The following TANC1 variants were observed in gnomAD, a reference collection of about 807,000 sequenced individuals.
TANC1 encodes the protein protein TANC1.
TANC1 carries 77 observed loss-of-function variants against 149.7 expected under a neutral mutation model. That is an observed-to-expected ratio of 0.51 (90% CI 0.43 to 0.62). The LOEUF is 0.62. Ranked by LOEUF, TANC1 falls within the 20% of genes least tolerant of loss-of-function variation. The probability of loss-of-function intolerance (pLI) is 0.00; values close to 1 mark genes in which losing one functional copy is unlikely to be tolerated. For synonymous variants in TANC1, 854 were observed against 925.0 expected (o/e 0.92, Z 1.39); for missense variants, 1,985 against 2,321.8 (o/e 0.85, Z 2.98).
chr2:159,093,790 A>G (rs1344793845), intron 3 of TANC1, among the ~76,000 whole-genome samples: 1 of 151,504 alleles, frequency 6.6e-6, no homozygotes, highest in Non-Finnish European at 1.5e-5. Context: ...GCATAAAATC[A>G]TAGTGCTGGA....
intron 7 of TANC1, among the ~76,000 whole-genome samples, chr2:159,153,480 C>A (rs574682245): frequency 2.6e-5 from 4 of 152,306 alleles, no homozygotes; most frequent in Admixed American, 2.6e-4. Context: ...CTGCAGGTTG[C>A]AAGGGCTGTA....
At chr2:159,167,530 G>C (rs1199415916) in intron 8 of TANC1, among the ~76,000 whole-genome samples, 1 of 152,202 alleles carries the variant, frequency 6.6e-6, no homozygotes, top group African/African-American at 2.4e-5. Flanking sequence ...TCTTTCTAAT[G>C]GGAAAGATTT....
chr2:159,012,900 TAAA>T lies in TANC1; in HGVS notation c.-16+11712_-16+11714del, dbSNP rs2037908650. 2.6e-5 allele frequency among the ~76,000 whole-genome samples: 4 copies of T among 152,308 alleles called. No individual in the cohort carries two copies. In the South Asian group the frequency reaches 8.3e-4, roughly 32 times the overall value. On this transcript the variant is annotated intron_variant, in intron 2 of 26. Transcript: ENST00000263635. ...GAGGCTACTCTTTCGGTGTTCCAAA[TAAA>T]GAAAAATTCTTCTCTTCTTGTTGGT... is the stretch of plus-strand genomic sequence containing the variant.
intron 2 of TANC1, among the ~76,000 whole-genome samples, chr2:159,055,183 C>T (rs1055849849): frequency 2.6e-5 from 4 of 152,208 alleles, no homozygotes; most frequent in Non-Finnish European, 2.9e-5. Flanking sequence ...TCCGGTTGCC[C>T]TAAACCTTAC....
At chr2:159,040,491 C>A (rs146189474) in intron 2 of TANC1, among the ~76,000 whole-genome samples, 11 of 152,184 alleles carry the variant, frequency 7.2e-5, no homozygotes, top group South Asian at 2.1e-4. Flanking sequence ...CTTCTCTTCT[C>A]GCTTCATTTC....
intron 2 of TANC1, among the ~76,000 whole-genome samples, chr2:159,021,982 A>C (rs1428302699): frequency 6.6e-6 from 1 of 152,206 alleles, no homozygotes; most frequent in Admixed American, 6.5e-5. Context: ...CAGCTGAAAA[A>C]TTTTCAAGAT....
rs146747058 is a variant in TANC1, at chr2:158,972,175, G to T, written c.-126+3393G>T. Among the ~76,000 whole-genome samples, 493 of 152,254 alleles carry T rather than the reference G, an allele frequency of 3.2e-3. 1 individual carries two copies. Among genetic ancestry groups the T allele is most frequent in the Non-Finnish European group, 5.1e-3 (344 of 68,014 alleles). ...TCTTTTTTATTAAGTAGGCTTCAGG[G>T]TGTAATGTGATTTATAATCCGGACT... On this transcript the variant is annotated intron_variant, in intron 1 of 26. Transcript: ENST00000263635.
chr2:159,131,028 G>T (rs1205977760), intron 4 of TANC1, among the ~76,000 whole-genome samples: 1 of 151,504 alleles, frequency 6.6e-6, no homozygotes, highest in African/African-American at 2.4e-5. Context: ...GGGGTGGGGG[G>T]TCCCCAACTA....
chr2:159,034,900 C>T (rs1037597778), intron 2 of TANC1, among the ~76,000 whole-genome samples: 1 of 152,194 alleles, frequency 6.6e-6, no homozygotes. Flanking sequence ...GTCTTTGTCA[C>T]GTTGTTTAGC....
At chr2:159,103,253 AG>A (rs1444749498) in intron 4 of TANC1, among the ~76,000 whole-genome samples, 1 of 95,672 alleles carries the variant, frequency 1.0e-5, no homozygotes, top group African/African-American at 2.9e-5. Context: ...TCCTTGGGGT[AG>A]CAGGTTCCCA....
chr2:159,123,242 G>C (rs796407990), intron 4 of TANC1, among the ~76,000 whole-genome samples: 6 of 152,106 alleles, frequency 3.9e-5, no homozygotes, highest in African/African-American at 1.4e-4. Flanking sequence ...GCTCCCTTCC[G>C]ATGGTGATTT....
chr2:159,007,768 G>A (rs941515252), intron 2 of TANC1, among the ~76,000 whole-genome samples: 16 of 152,182 alleles, frequency 1.1e-4, no homozygotes, highest in Non-Finnish European at 2.2e-4. Context: ...AAGTGGAGAG[G>A]AGATGAAATC....
chr2:159,047,719 A>G (rs1235487122), intron 2 of TANC1, among the ~76,000 whole-genome samples: 2 of 152,192 alleles, frequency 1.3e-5, no homozygotes, highest in Admixed American at 6.5e-5. Context: ...CCTAAAATGT[A>G]TAAAACCAAG....
At chr2:159,179,241 G>A (rs1367199827) in intron 14 of TANC1, 78 bp downstream of exon 14, 6 of 1,503,800 alleles carry the variant, frequency 4.0e-6, no homozygotes, top group South Asian at 1.3e-5. Context: ...TGTGATGCAC[G>A]TGTCTCAATG....
rs375600740 is a variant in TANC1 at position 159,165,436 on chromosome 2, T to A, written c.946+1890T>A. Among the ~76,000 whole-genome samples the A allele has an allele frequency of 5.5e-4, 84 of 152,354 alleles. 2 individuals are homozygous for A. In the East Asian group the frequency reaches 0.014, roughly 25 times the overall value. ...TGTGCTACATGTTTTTTAAACTAAA[T>A]GCATATTTTGAAAGGACGTGAGCAA... On this transcript the variant is annotated intron_variant, in intron 8 of 26. Transcript: ENST00000263635.
chr2:159,149,510 C>T (rs2052538967), intron 6 of TANC1: 2 of 514,080 alleles, frequency 3.9e-6, no homozygotes, highest in African/African-American at 3.8e-5. Flanking sequence ...AGTCACCACC[C>T]AGAGAATAAT....
chr2:159,149,617 TA>T (rs1200359673), intron 6 of TANC1: 53 of 258,730 alleles, frequency 2.0e-4, no homozygotes, highest in African/African-American at 1.2e-3. Flanking sequence ...TGCTTTGGTA[TA>T]CGCTTTCCTG....
At chr2:159,192,325 T>G (rs551987118) in intron 16 of TANC1, among the ~76,000 whole-genome samples, 1 of 152,330 alleles carries the variant, frequency 6.6e-6, no homozygotes, top group East Asian at 1.9e-4. Context: ...TTAAAAACAT[T>G]TTTTATAGAG....
intron 5 of TANC1, among the ~76,000 whole-genome samples, chr2:159,141,546 A>C (rs1332652834): frequency 6.6e-6 from 1 of 152,210 alleles, no homozygotes; most frequent in Non-Finnish European, 1.5e-5. Flanking sequence ...CTGGAGGAGC[A>C]GGGACTGTGT....
Sources: gnomAD v4.1 joint callset for allele counts (sites outside exome capture counted in the v4.1 genomes callset) on GRCh38, gnomAD v4.1.1 for gene constraint, MANE v1.5 for transcripts, NCBI Gene and HGNC (gene_info 2026-07-23, HGNC 2026-07-21) for gene names.